The following RAP1A variants were observed in gnomAD, a reference collection of about 807,000 sequenced individuals.
RAP1A encodes RAP1A, member of RAS oncogene family, also known as ras-related protein Rap-1A.
A neutral mutation model predicts 26.4 loss-of-function variants in RAP1A; 6 were observed. The observed-to-expected ratio is 0.23, with a 90% confidence interval of 0.12 to 0.45. The LOEUF is 0.45. RAP1A is among the 20% of genes least tolerant of loss of function. The probability of loss-of-function intolerance (pLI) is 0.99; values close to 1 mark genes in which losing one functional copy is unlikely to be tolerated. For synonymous variants in RAP1A, 73 were observed against 79.4 expected (o/e 0.92, Z 0.43); for missense variants, 121 against 217.2 (o/e 0.56, Z 2.78).
At chr1:111,663,774 C>G (rs1344435418) in intron 1 of RAP1A, among the ~76,000 whole-genome samples, 1 of 152,130 alleles carries the variant, frequency 6.6e-6, no homozygotes, top group African/African-American at 2.4e-5. Context: ...TATTTTCCAA[C>G]TATTGTTCTG....
chr1:111,704,580 A>G, intron 6 of RAP1A, 94 bp downstream of exon 6: 1 of 1,293,564 alleles, frequency 7.7e-7, no homozygotes, highest in Non-Finnish European at 1.0e-6. Flanking sequence ...TTATCTTTTA[A>G]GCAATCTTGA....
intron 1 of RAP1A, among the ~76,000 whole-genome samples, chr1:111,667,942 A>G (rs1479532844): frequency 6.6e-6 from 1 of 152,132 alleles, no homozygotes; most frequent in Non-Finnish European, 1.5e-5. Flanking sequence ...GCAGACATAG[A>G]GGATAGGAGA....
chr1:111,616,798 G>C (rs944891404), upstream of RAP1A, among the ~76,000 whole-genome samples: 1 of 152,150 alleles, frequency 6.6e-6, no homozygotes, highest in Non-Finnish European at 1.5e-5. Flanking sequence ...TCACTTTAAT[G>C]TATGATCATC....
intron 1 of RAP1A, among the ~76,000 whole-genome samples, chr1:111,625,153 A>G (rs1232961668): frequency 6.6e-6 from 1 of 152,244 alleles, no homozygotes; most frequent in African/African-American, 2.4e-5. Flanking sequence ...TATTGGGTTA[A>G]TTAAAACTTG....
At chr1:111,620,797 C>T (rs1659178249) in intron 1 of RAP1A, among the ~76,000 whole-genome samples, 1 of 152,126 alleles carries the variant, frequency 6.6e-6, no homozygotes, top group African/African-American at 2.4e-5. Context: ...AAGAGTATCT[C>T]TTGCCCCCTT....
rs1285048437 is a variant in RAP1A at position 111,667,787 on chromosome 1, A to G, written c.-27-23547A>G. Among the ~76,000 whole-genome samples, 7 of 152,198 alleles carry G rather than the reference A, an allele frequency of 4.6e-5. No individual in the cohort carries two copies. In the East Asian group the frequency reaches 1.3e-3, roughly 29 times the overall value. On this transcript the variant is annotated intron_variant, in intron 1 of 7. Coordinates refer to ENST00000369709, the MANE Select transcript of RAP1A (RefSeq NM_002884.4). ...GGTCCCATTTTACAACTGGAAACCT[A>G]AAGGAACAGTATCAAGGAACTGACA... is the stretch of plus-strand genomic sequence containing the variant.
chr1:111,555,429 GA>G (rs1231450500), intron 1 of RAP1A, among the ~76,000 whole-genome samples: 3 of 106,342 alleles, frequency 2.8e-5, no homozygotes, highest in South Asian at 2.9e-4. Flanking sequence ...AATAGTTCCA[GA>G]AAAAAAATTT....
chr1:111,551,539 A>T (rs934376361), intron 1 of RAP1A, among the ~76,000 whole-genome samples: 1 of 152,138 alleles, frequency 6.6e-6, no homozygotes, highest in African/African-American at 2.4e-5. Flanking sequence ...TTCTTGCTTT[A>T]TGCTGTTACT....
intron 1 of RAP1A, among the ~76,000 whole-genome samples, chr1:111,544,299 A>G (rs1656957217): frequency 6.6e-6 from 1 of 152,214 alleles, no homozygotes; most frequent in African/African-American, 2.4e-5. Flanking sequence ...AATTTTTAGT[A>G]TATTCACAAT....
At chr1:111,640,652 C>T (rs1046382854) in intron 1 of RAP1A, among the ~76,000 whole-genome samples, 7 of 152,120 alleles carry the variant, frequency 4.6e-5, no homozygotes, top group South Asian at 2.1e-4. Context: ...AGTTAACACA[C>T]GATTTTTTAA....
intron 1 of RAP1A, chr1:111,650,402 G>C (rs1271080321): frequency 6.6e-6 from 1 of 152,008 alleles, no homozygotes; most frequent in Non-Finnish European, 1.5e-5. Context: ...TACCAGAAAA[G>C]TATGCCATTT....
chr1:111,553,210 T>C (rs568243101), intron 1 of RAP1A, among the ~76,000 whole-genome samples: 3 of 152,222 alleles, frequency 2.0e-5, no homozygotes, highest in Non-Finnish European at 4.4e-5. Context: ...TACAGTATAA[T>C]AAAAATGTCT....
chr1:111,685,211 T>C (rs1661431721), intron 1 of RAP1A, among the ~76,000 whole-genome samples: 1 of 152,118 alleles, frequency 6.6e-6, no homozygotes, highest in Non-Finnish European at 1.5e-5. Flanking sequence ...GACATAGGCA[T>C]GGGCAAAGTC....
At chr1:111,542,297 C>T (rs1349930443) in exon 1 of RAP1A, 6 of 540,614 alleles carry the variant, frequency 1.1e-5, no homozygotes, top group Admixed American at 2.0e-5. Context: ...TTCGAACACA[C>T]GCGACAAGAG....
chr1:111,582,025 A>G (rs1330457287), intron 1 of RAP1A, among the ~76,000 whole-genome samples: 1 of 152,220 alleles, frequency 6.6e-6, no homozygotes, highest in Non-Finnish European at 1.5e-5. Context: ...TGGAACCAAG[A>G]TTTGAACCCA....
intron 1 of RAP1A, among the ~76,000 whole-genome samples, chr1:111,690,926 A>G (rs501396): frequency 0.99 from 150,275 of 152,356 alleles, 74,117 homozygotes; most frequent in East Asian, 1. Flanking sequence ...GATATTTTAA[A>G]CAAATAAAAT....
intron 1 of RAP1A, among the ~76,000 whole-genome samples, chr1:111,658,924 A>T (rs535078424): frequency 6.6e-6 from 1 of 152,278 alleles, no homozygotes; most frequent in East Asian, 1.9e-4. Flanking sequence ...CTGTTGTTAG[A>T]TGCATGCACA....
At position 111,580,850 on chromosome 1, in the gene RAP1A, C is replaced by CA. The variant is rs1232201411; in HGVS notation, c.-28+38348dup. Among the ~76,000 whole-genome samples, 11 of 76,592 alleles carry CA rather than the reference C, an allele frequency of 1.4e-4. No individual in the cohort carries two copies. The South Asian group carries it at 5.0e-3, about 35-fold the overall frequency. The allele number at this position is 76,592 out of a possible 152,430, so 50.2% of individuals were successfully genotyped here. ...CGGCAGAGCAAGACTGTCTCAAAAA[C>CA]AAAAAAACAAAAAACAAAAAAAAAA... On this transcript the variant is annotated intron_variant, in intron 1 of 7. Coordinates refer to the RAP1A transcript ENST00000356415.
At position 111,556,551 on chromosome 1, in the gene RAP1A, A is replaced by G. The variant is rs576985330; in HGVS notation, c.-28+14042A>G. Reference sequence around the variant, plus strand: ...ACACAAAATGTAGCATTTACATACAATAAAATATTATCCAGCCTTAAAAGG... The same window carrying G: ...ACACAAAATGTAGCATTTACATACAGTAAAATATTATCCAGCCTTAAAAGG... On this transcript the variant is annotated intron_variant, in intron 1 of 7. Transcript: ENST00000356415. Among the ~76,000 whole-genome samples, 82 of 152,348 alleles carry G rather than the reference A, an allele frequency of 5.4e-4. No individual in the cohort carries two copies. In the South Asian group the frequency reaches 0.014, roughly 27 times the overall value.
Sources: gnomAD v4.1 joint callset for allele counts (sites outside exome capture counted in the v4.1 genomes callset) on GRCh38, gnomAD v4.1.1 for gene constraint, MANE v1.5 for transcripts, NCBI Gene and HGNC (gene_info 2026-07-23, HGNC 2026-07-21) for gene names.